Variants in LYZL1 observed in about 807,000 individuals in gnomAD.
LYZL1 encodes lysozyme like 1.
A neutral mutation model predicts 17.9 loss-of-function variants in LYZL1; 16 were observed. The observed-to-expected ratio is 0.90, with a 90% CI of 0.61 to 1.36. The LOEUF (loss-of-function observed/expected upper bound fraction) is 1.36. LYZL1 is among the 40% of genes most tolerant of loss of function. The pLI, the probability that LYZL1 is intolerant of heterozygous loss-of-function variation, is 0.00. For synonymous variants in LYZL1, 58 were observed against 71.8 expected (o/e 0.81, Z 0.97); for missense variants, 149 against 188.4 (o/e 0.79, Z 1.22).
chr10:29,290,796 G>A (rs1395085688), intron 1 of LYZL1, among the ~76,000 whole-genome samples: 4 of 152,102 alleles, frequency 2.6e-5, no homozygotes, highest in East Asian at 3.9e-4. Flanking sequence ...CCCAGATGGC[G>A]CCACTGCACT....
intron 3 of LYZL1, among the ~76,000 whole-genome samples, chr10:29,301,016 G>T (rs1564391372): frequency 6.6e-6 from 1 of 151,956 alleles, no homozygotes; most frequent in South Asian, 2.1e-4. Context: ...GTAGGGATGG[G>T]TGATATGGTT....
chr10:29,306,717 TTA>T (rs1304980939), intron 3 of LYZL1, among the ~76,000 whole-genome samples: 1 of 151,936 alleles, frequency 6.6e-6, no homozygotes, highest in African/African-American at 2.4e-5. Context: ...CATGATAATT[TTA>T]TTTTTGTATA....
chr10:29,294,249 C>T (rs956881501), intron 3 of LYZL1, among the ~76,000 whole-genome samples: 1 of 152,060 alleles, frequency 6.6e-6, no homozygotes, highest in Admixed American at 6.5e-5. Flanking sequence ...GTGAAAAACC[C>T]AGGCTAAGAG....
At chr10:29,309,450 T>C (rs1182848518) in intron 3 of LYZL1, among the ~76,000 whole-genome samples, 1 of 152,226 alleles carries the variant, frequency 6.6e-6, no homozygotes, top group African/African-American at 2.4e-5. Context: ...AGAACTTATA[T>C]GTCAAACTAA....
At chr10:29,289,895 C>T (rs1013976344) in intron 1 of LYZL1, among the ~76,000 whole-genome samples, 8 of 152,192 alleles carry the variant, frequency 5.3e-5, no homozygotes, top group Non-Finnish European at 7.3e-5. Context: ...AAATCAGCCA[C>T]CAATGATATA....
chr10:29,299,032 A>G (rs1403976499), intron 3 of LYZL1, among the ~76,000 whole-genome samples: 1 of 152,220 alleles, frequency 6.6e-6, no homozygotes, highest in Non-Finnish European at 1.5e-5. Context: ...ATGATGGAAG[A>G]CAGCGGTAGA....
At chr10:29,318,254 T>G (rs948818743) in exon 5 of LYZL1, 40 of 942,450 alleles carry the variant, frequency 4.2e-5, no homozygotes, top group Middle Eastern at 5.4e-4. Context: ...TAATTCTTGG[T>G]GAGGATGAAA....
At chr10:29,306,086 A>G (rs888243740) in intron 3 of LYZL1, among the ~76,000 whole-genome samples, 1 of 152,246 alleles carries the variant, frequency 6.6e-6, no homozygotes, top group Non-Finnish European at 1.5e-5. Context: ...CCCACAGTTA[A>G]GAGCCAATCC....
downstream of LYZL1, among the ~76,000 whole-genome samples, chr10:29,315,573 T>A (rs1165169696): frequency 6.6e-6 from 1 of 151,612 alleles, no homozygotes; most frequent in Non-Finnish European, 1.5e-5. Context: ...GTTTAAGGGC[T>A]CGGGTGCAGT....
downstream of LYZL1, among the ~76,000 whole-genome samples, chr10:29,311,980 G>A (rs1835678303): frequency 1.3e-5 from 2 of 150,716 alleles, no homozygotes; most frequent in South Asian, 4.2e-4. Context: ...GGAAGGGGGA[G>A]GGAACGTTTT....
intron 3 of LYZL1, among the ~76,000 whole-genome samples, chr10:29,306,896 C>T (rs1385516610): frequency 6.7e-6 from 1 of 149,726 alleles, no homozygotes; most frequent in Non-Finnish European, 1.5e-5. Context: ...GCTCTGTCAC[C>T]CAGCCTGAAG....
intron 3 of LYZL1, among the ~76,000 whole-genome samples, chr10:29,308,161 G>A (rs118030574): frequency 0.036 from 5,519 of 152,288 alleles, 123 homozygotes; most frequent in East Asian, 0.084. Flanking sequence ...AAGGAAAGAC[G>A]TGCTGCCCCC....
intron 2 of LYZL1, 140 bp downstream of exon 2, chr10:29,292,146 A>C (rs1302315087): frequency 9.2e-6 from 12 of 1,308,146 alleles, no homozygotes; most frequent in Non-Finnish European, 1.1e-5. Flanking sequence ...CTGCTAGCCT[A>C]ACTGTGGCTC....
chr10:29,308,922 G>A (rs552645528), intron 3 of LYZL1, among the ~76,000 whole-genome samples: 5 of 152,316 alleles, frequency 3.3e-5, no homozygotes, highest in African/African-American at 9.6e-5. Flanking sequence ...CTATAATCAT[G>A]CCACTGCATT....
downstream of LYZL1, among the ~76,000 whole-genome samples, chr10:29,311,654 T>G (rs2132839375): frequency 6.6e-6 from 1 of 152,304 alleles, no homozygotes; most frequent in African/African-American, 2.4e-5. Context: ...TTCTGCATTT[T>G]CCAAGTTTTT....
At chr10:29,318,136 TG>T in intron 4 of LYZL1, 3 of 985,126 alleles carry the variant, frequency 3.0e-6, no homozygotes. Context: ...AAACTGAGGC[TG>T]TTTATTTTCA....
chr10:29,302,812 GCAACATTGTTGAGTGT>G (rs1288522524), intron 3 of LYZL1, among the ~76,000 whole-genome samples: 2 of 152,182 alleles, frequency 1.3e-5, no homozygotes, highest in Non-Finnish European at 2.9e-5. Flanking sequence ...TGCCTCATAT[GCAACATTGTTGAGTGT>G]CTAGACTATG....
chr10:29,304,793 T>C (rs917780913), intron 3 of LYZL1, among the ~76,000 whole-genome samples: 2 of 152,240 alleles, frequency 1.3e-5, no homozygotes, highest in African/African-American at 4.8e-5. Context: ...GAGGGAGCTC[T>C]TGATTTCCCA....
At chr10:29,309,543 C>T (rs533651657) in intron 3 of LYZL1, among the ~76,000 whole-genome samples, 2 of 152,258 alleles carry the variant, frequency 1.3e-5, no homozygotes, top group South Asian at 4.1e-4. Context: ...GTTGCCCAGG[C>T]TGGAGTGCAG....
Sources: gnomAD v4.1 joint callset for allele counts (sites outside exome capture counted in the v4.1 genomes callset) on GRCh38, gnomAD v4.1.1 for gene constraint, MANE v1.5 for transcripts, NCBI Gene and HGNC (gene_info 2026-07-23, HGNC 2026-07-21) for gene names.